Variants in SMARCC2 observed in about 807,000 individuals in gnomAD.
The protein encoded by SMARCC2 is SWI/SNF complex subunit SMARCC2.
A neutral mutation model predicts 151.3 loss-of-function variants in SMARCC2; 15 were observed. The ratio of observed to expected loss-of-function variants is 0.10; its 90% CI spans 0.07 to 0.15. The LOEUF is 0.15. SMARCC2 is among the 10% of genes least tolerant of loss of function. SMARCC2 has a pLI of 1.00. For missense variants in SMARCC2, 1,031 were observed against 1,599.7 expected, an observed-to-expected ratio of 0.64 and a Z score of 6.06; for synonymous variants, 590 against 609.5, an observed-to-expected ratio of 0.97 and a Z score of 0.47.
chr12:56,177,678 T>C (rs1875300826), intron 15 of SMARCC2, among the ~76,000 whole-genome samples: 1 of 151,614 alleles, frequency 6.6e-6, no homozygotes, highest in African/African-American at 2.4e-5. Flanking sequence ...ATTTACACTT[T>C]AATCAAAACT....
Position 56,189,341 on chromosome 12 carries a change from G to T in SMARCC2, c.111+10C>A. On this transcript the variant is annotated intron_variant, in intron 1 of 28. Coordinates refer to ENST00000550164, the MANE Select transcript of SMARCC2 (RefSeq NM_001330288.2). ...CCCGGTCCCCGCGCGGCCCGGCCCG[G>T]CCCGCGTACCTTCTTGTAGTTCTTG... is the stretch of plus-strand genomic sequence containing the variant. The T allele has an allele frequency of 6.7e-7, 1 of 1,488,574 alleles. No homozygotes were observed. Among genetic ancestry groups the T allele is most frequent in the Non-Finnish European group, 9.1e-7 (1 of 1,104,146 alleles). 92.2% of individuals were successfully genotyped at this position (1,488,574 alleles called of 1,614,324 possible).
intron 26 of SMARCC2, among the ~76,000 whole-genome samples, chr12:56,166,736 C>T (rs533161115): frequency 3.3e-5 from 5 of 150,508 alleles, no homozygotes; most frequent in Admixed American, 2.0e-4. Flanking sequence ...ACCACAGGCT[C>T]GCACCACCAC....
rs1220968504 is a variant in SMARCC2, at chr12:56,169,625, C to T, written c.2619G>A (p.Glu873=). 1.2e-6 allele frequency: 2 copies of T among 1,613,878 alleles called. No individual in the cohort carries two copies. Among genetic ancestry groups the T allele is most frequent in the Admixed American group, 1.7e-5 (1 of 59,956 alleles). Residue 873 remains glutamate, a synonymous_variant, in exon 25 of 29, where the codon GAG becomes GAA. Coordinates refer to ENST00000550164, the MANE Select transcript of SMARCC2 (RefSeq NM_001330288.2). ...EEVLKEVVES[E]GERKTKVERD... ...GCTCCACCTTTGTCTTCCTTTCCCC[C>T]TCAGACTCCACCACTTCCTTCAGCA...
chr12:56,186,963 G>A, intron 2 of SMARCC2: 1 of 436,374 alleles, frequency 2.3e-6, no homozygotes, highest in South Asian at 2.4e-5. Flanking sequence ...CTGATCCCAG[G>A]TACTCTGAAA....
chr12:56,174,000 C>T, intron 16 of SMARCC2, 151 bp from the exon 17 acceptor site: 3 of 605,786 alleles, frequency 5.0e-6, no homozygotes, highest in East Asian at 3.0e-5. Context: ...GAAATCTCAC[C>T]TACTCCAGTT....
intron 7 of SMARCC2, 95 bp from the exon 8 acceptor site, chr12:56,182,174 A>G (rs1876347734): frequency 1.2e-6 from 1 of 821,208 alleles, no homozygotes; most frequent in South Asian, 1.7e-5. Flanking sequence ...TACAGAAAGT[A>G]TTGGGTTCTT....
chr12:56,177,894 G>T, intron 15 of SMARCC2, 128 bp downstream of exon 15: 1 of 675,130 alleles, frequency 1.5e-6, no homozygotes, highest in South Asian at 1.9e-5. Context: ...GCCTTTGTAA[G>T]CCTAGCATAG....
chr12:56,167,071 A>C, intron 26 of SMARCC2, among the ~76,000 whole-genome samples: 1 of 149,074 alleles, frequency 6.7e-6, no homozygotes. Flanking sequence ...TCAAAAAAAA[A>C]AAAAAAAGCG....
At chr12:56,178,709 A>G in intron 13 of SMARCC2, 101 bp downstream of exon 13, 1 of 1,460,120 alleles carries the variant, frequency 6.8e-7, no homozygotes, top group Non-Finnish European at 9.6e-7. Flanking sequence ...ATTAGTCTAC[A>G]GTGGGTAAAG....
At chr12:56,173,671 C>A in intron 17 of SMARCC2, 25 bp downstream of exon 17, 1 of 1,585,284 alleles carries the variant, frequency 6.3e-7, no homozygotes, top group Non-Finnish European at 8.6e-7. Flanking sequence ...CCAACCCGCC[C>A]CATCCCCATA....
chr12:56,166,997 A>C (rs1872903144), intron 26 of SMARCC2, among the ~76,000 whole-genome samples: 1 of 146,044 alleles, frequency 6.8e-6, no homozygotes, highest in Non-Finnish European at 1.5e-5. Flanking sequence ...CAGGAGGCGG[A>C]GGTTGCAGTG....
rs1873195594 is a variant in SMARCC2 at position 56,168,172 on chromosome 12, C to T, written c.2738G>A (p.Arg913Lys). Residue 913 changes from arginine to lysine, a missense_variant, in exon 26 of 29, where the codon AGG (arginine) becomes AAG (lysine). By Grantham distance (26) the Arg-to-Lys change is conservative. Around this residue, in one of 12 missense-constraint regions of SMARCC2, gnomAD observed 49 missense variants for 134.8 expected, o/e 0.36. Transcript: ENST00000550164. ...CAGGGCCACCAAAGATTTGATCTTC[C>T]TTTCCTCAACAGCAGCCAAGTGCTA... ...KAKHLAAVEE[R>K]KIKSLVALLV... 1 of 1,613,974 alleles carries T rather than the reference C, an allele frequency of 6.2e-7. No homozygotes were observed. The highest frequency in any genetic ancestry group is 1.7e-5 in the Admixed American group (1 of 59,980).
Position 56,183,143 on chromosome 12 carries a change from G to A in SMARCC2, c.632+718C>T, listed in dbSNP as rs377255205. On this transcript the variant is annotated intron_variant, in intron 7 of 28. Transcript: ENST00000550164. ...GCATTAGCCACTGCACCCAGCCTACGTGCTATTTTTTGTTTTGTTTTGTTT... is the reference window on the plus strand; with the variant it reads ...GCATTAGCCACTGCACCCAGCCTACATGCTATTTTTTGTTTTGTTTTGTTT... 1.5e-4 allele frequency among the ~76,000 whole-genome samples: 23 copies of A among 151,506 alleles called. No individual in the cohort carries two copies. In the East Asian group the frequency reaches 3.7e-3, roughly 24 times the overall value.
In SMARCC2 at chr12:56,171,523, C is replaced by T; in HGVS notation, c.2186-91G>A. The T allele has an allele frequency of 6.4e-7, 1 of 1,559,384 alleles. No individual in the cohort carries two copies. Among genetic ancestry groups the T allele is most frequent in the South Asian group, 1.2e-5 (1 of 86,442 alleles). On this transcript the variant is annotated intron_variant, in intron 21 of 28. Coordinates refer to ENST00000550164, the MANE Select transcript of SMARCC2 (RefSeq NM_001330288.2). This position sits in a 1 kb window ranked among gnomAD's most constrained non-coding sequence, Gnocchi z 4.2. ...AAGCTTACTCACAAGCCCATGTCTT[C>T]ATCTAAGCTAGTATGGAGCCTAGAC...
intron 15 of SMARCC2, 40 bp downstream of exon 15, chr12:56,177,982 C>A: frequency 1.5e-6 from 2 of 1,354,588 alleles, no homozygotes; most frequent in South Asian, 1.2e-5. Flanking sequence ...AATGTGGGGA[C>A]AGGAGGGAGA....
chr12:56,187,256 T>C lies in SMARCC2; in HGVS notation c.162A>G (p.Val54=). ...CTTCTTCCTGAAATTGTAGCAACTG[T>C]ACAACCAGGCTAGACAGGGACTTGT... ...PTNKSLSSLV[V]QLLQFQEEVF... is the part of the protein sequence containing the mutation. Residue 54 remains valine, a synonymous_variant, in exon 2 of 29, where the codon GTA becomes GTG. Transcript: ENST00000550164. The C allele has an allele frequency of 6.2e-7, 1 of 1,613,954 alleles. No individual in the cohort carries two copies. The highest frequency in any genetic ancestry group is 8.5e-7 in the Non-Finnish European group (1 of 1,179,846).
intron 17 of SMARCC2, 103 bp downstream of exon 17, chr12:56,173,592 GC>G (rs1874366935): frequency 1.9e-6 from 2 of 1,025,934 alleles, no homozygotes; most frequent in East Asian, 4.9e-5. Context: ...AAAGGAAGAA[GC>G]CTCAAAACAC....
chr12:56,172,140 G>T, intron 20 of SMARCC2: 1 of 577,314 alleles, frequency 1.7e-6, no homozygotes, highest in Non-Finnish European at 3.0e-6. Flanking sequence ...CCAGCCTGGA[G>T]CTGGTCCTGA....
intron 15 of SMARCC2, among the ~76,000 whole-genome samples, chr12:56,177,627 T>C (rs1222457990): frequency 6.6e-6 from 1 of 151,840 alleles, no homozygotes; most frequent in African/African-American, 2.4e-5. Flanking sequence ...CTCTTGTTTT[T>C]CTATTAAAAC....
Sources: gnomAD v4.1 joint callset for allele counts (sites outside exome capture counted in the v4.1 genomes callset) on GRCh38, gnomAD v4.1.1 for gene constraint, gnomAD v4.1.1 regional missense constraint, Gnocchi (gnomAD v3.1) non-coding constraint, MANE v1.5 for transcripts, NCBI Gene and HGNC (gene_info 2026-07-23, HGNC 2026-07-21) for gene names.